NBAS: variants seen among roughly 807,000 people sequenced by gnomAD.
NBAS encodes NAG/BC035112 fusion.
A neutral mutation model predicts 302.5 loss-of-function variants in NBAS; 219 were observed. That is an observed-to-expected ratio of 0.72 (90% CI 0.65 to 0.81). The LOEUF is 0.81. Ranked by LOEUF, NBAS falls within the 30% of genes least tolerant of loss-of-function variation. The pLI is 0.00. For missense variants in NBAS, 2,932 were observed against 2,841.6 expected (o/e 1.03, Z -0.72); for synonymous variants, 1,118 against 1,021.6 (o/e 1.09, Z -1.80).
At chr2:14,836,549 G>A in the NBAS span, among the ~76,000 whole-genome samples, 1 of 151,850 alleles carries the variant, frequency 6.6e-6, no homozygotes, top group Non-Finnish European at 1.5e-5. Flanking sequence ...TTCCGTGTGC[G>A]TGACTTTTCC....
chr2:15,245,783 G>A (rs1266323688), intron 44 of NBAS, among the ~76,000 whole-genome samples: 1 of 152,226 alleles, frequency 6.6e-6, no homozygotes, highest in Non-Finnish European at 1.5e-5. Context: ...TAGACATGGT[G>A]TGGCATAAAG....
intron 25 of NBAS, among the ~76,000 whole-genome samples, chr2:15,405,689 T>C (rs575828509): frequency 4.0e-4 from 61 of 152,166 alleles, no homozygotes; most frequent in Non-Finnish European, 7.9e-4. Context: ...GATGATAAGA[T>C]AGGATACCTG....
intron 28 of NBAS, among the ~76,000 whole-genome samples, chr2:15,391,089 G>A (rs1257350228): frequency 3.3e-5 from 5 of 151,228 alleles, no homozygotes; most frequent in Non-Finnish European, 5.9e-5. Context: ...TAGCCTGGGC[G>A]ACAGAGCAAG....
At chr2:14,953,855 C>G in the NBAS span, among the ~76,000 whole-genome samples, 1 of 152,136 alleles carries the variant, frequency 6.6e-6, no homozygotes. Context: ...TATAAAAAGG[C>G]AGATGCCTCA....
chr2:15,419,785 C>T (rs561682153), intron 23 of NBAS, among the ~76,000 whole-genome samples: 2 of 151,960 alleles, frequency 1.3e-5, no homozygotes, highest in East Asian at 3.9e-4. Flanking sequence ...GATCTCGGCT[C>T]ACGGCAAGCT....
At chr2:14,872,448 G>A in the NBAS span, among the ~76,000 whole-genome samples, 1 of 151,986 alleles carries the variant, frequency 6.6e-6, no homozygotes, top group African/African-American at 2.4e-5. Context: ...TGCCTCCTGG[G>A]TTCCAGTGAT....
At chr2:15,518,129 G>GA (rs5829507) in intron 9 of NBAS, among the ~76,000 whole-genome samples, 149 of 134,184 alleles carry the variant, frequency 1.1e-3, no homozygotes, top group South Asian at 2.9e-3. Flanking sequence ...AAGTCTAGGG[G>GA]AAAAAAAAAA....
intron 47 of NBAS, among the ~76,000 whole-genome samples, chr2:15,220,498 T>C (rs960361039): frequency 3.3e-5 from 5 of 152,198 alleles, no homozygotes; most frequent in East Asian, 1.9e-4. Context: ...TCAAATCTTA[T>C]ACTACTCTAA....
At chr2:15,423,449 C>T (rs11676730) in intron 23 of NBAS, among the ~76,000 whole-genome samples, 79,206 of 151,952 alleles carry the variant, frequency 0.52, 23,592 homozygotes, top group Non-Finnish European at 0.67. Context: ...ATGGGTCATG[C>T]TAGATAAACT....
At chr2:14,847,604 A>G in the NBAS span, among the ~76,000 whole-genome samples, 1 of 152,084 alleles carries the variant, frequency 6.6e-6, no homozygotes, top group African/African-American at 2.4e-5. Context: ...TTAAATATAT[A>G]TGCACCCAAC....
the NBAS span, among the ~76,000 whole-genome samples, chr2:14,889,325 C>T: frequency 2.0e-5 from 3 of 152,154 alleles, no homozygotes; most frequent in African/African-American, 7.2e-5. Context: ...TGACGTAATG[C>T]CATCAAGAAA....
chr2:15,242,601 GAAGT>G (rs1306655691), intron 44 of NBAS, among the ~76,000 whole-genome samples: 1 of 150,916 alleles, frequency 6.6e-6, no homozygotes, highest in African/African-American at 2.4e-5. Flanking sequence ...GGAAGGAACA[GAAGT>G]AAAAGAAAGA....
At chr2:14,917,133 A>G in the NBAS span, among the ~76,000 whole-genome samples, 1 of 152,202 alleles carries the variant, frequency 6.6e-6, no homozygotes, top group Non-Finnish European at 1.5e-5. Context: ...CTTAAAACAC[A>G]CACATTTGTT....
chr2:15,278,628 AC>A (rs1374523565), intron 42 of NBAS, among the ~76,000 whole-genome samples: 1 of 152,162 alleles, frequency 6.6e-6, no homozygotes, highest in African/African-American at 2.4e-5. Flanking sequence ...TGTACAAGGC[AC>A]TGTGCTCACC....
At chr2:15,167,909 T>C (rs1664109001) in intron 51 of NBAS, among the ~76,000 whole-genome samples, 1 of 152,220 alleles carries the variant, frequency 6.6e-6, no homozygotes. Flanking sequence ...AGTATGTCCC[T>C]CAAGCCCACT....
intron 47 of NBAS, among the ~76,000 whole-genome samples, chr2:15,221,611 G>GA (rs1666952074): frequency 6.6e-6 from 1 of 152,208 alleles, no homozygotes; most frequent in Non-Finnish European, 1.5e-5. Flanking sequence ...GAGGAAGAGA[G>GA]AATAGAACCA....
chr2:15,494,389 T>C (rs1253517333), intron 11 of NBAS, among the ~76,000 whole-genome samples: 1 of 152,202 alleles, frequency 6.6e-6, no homozygotes, highest in Non-Finnish European at 1.5e-5. Flanking sequence ...AAAATTAGAA[T>C]GTACGTAAAG....
At chr2:15,175,794 G>A (rs1031860017) in intron 51 of NBAS, among the ~76,000 whole-genome samples, 2 of 152,234 alleles carry the variant, frequency 1.3e-5, no homozygotes, top group African/African-American at 4.8e-5. Context: ...TAGAGGAAAA[G>A]TCAGTACAAT....
At chr2:15,556,419 A>T (rs113517515) in intron 3 of NBAS, among the ~76,000 whole-genome samples, 1,604 of 152,344 alleles carry the variant, frequency 0.011, 36 homozygotes, top group African/African-American at 0.037. Context: ...TCTCTGATAT[A>T]CAGCAGTTGA....
Sources: allele counts gnomAD v4.1 joint callset (sites outside exome capture counted in the v4.1 genomes callset), GRCh38; gene constraint gnomAD v4.1.1; transcripts MANE v1.5; gene names NCBI Gene and HGNC (gene_info 2026-07-23, HGNC 2026-07-21).